Variants in IMMP2L observed in about 807,000 individuals in gnomAD.
IMMP2L encodes the protein inner mitochondrial membrane peptidase subunit 2, also known as mitochondrial inner membrane protease subunit 2.
IMMP2L carries 18 observed loss-of-function variants against 19.3 expected under a neutral mutation model. The ratio of observed to expected loss-of-function variants is 0.93; its 90% CI spans 0.64 to 1.38. The LOEUF is 1.38. Among genes scored for constraint, IMMP2L ranks in the 40% most tolerant of loss-of-function variants. The pLI, the probability that IMMP2L is intolerant of heterozygous loss-of-function variation, is 0.00. For missense variants in IMMP2L, 233 were observed against 218.2 expected (o/e 1.07, Z -0.43); for synonymous variants, 76 against 73.0 (o/e 1.04, Z -0.21).
At chr7:111,031,381 G>GGTGTGTGTGT (rs1554496351) in intron 3 of IMMP2L, among the ~76,000 whole-genome samples, 59 of 72,660 alleles carry the variant, frequency 8.1e-4, no homozygotes, top group East Asian at 4.1e-3. Context: ...GGGGTGTAGG[G>GGTGTGTGTGT]GTGTGTGTGT....
chr7:110,785,003 T>G (rs969312212), intron 5 of IMMP2L, among the ~76,000 whole-genome samples: 5 of 151,986 alleles, frequency 3.3e-5, no homozygotes, highest in African/African-American at 1.2e-4. Context: ...AACATGGTAT[T>G]AGAAATTACC....
intron 3 of IMMP2L, among the ~76,000 whole-genome samples, chr7:111,220,481 T>C (rs1478959239): frequency 6.6e-6 from 1 of 151,964 alleles, no homozygotes; most frequent in African/African-American, 2.4e-5. Flanking sequence ...TATCAGAAAA[T>C]TTATTATATT....
intron 3 of IMMP2L, among the ~76,000 whole-genome samples, chr7:111,251,127 A>T (rs1816061322): frequency 6.6e-6 from 1 of 152,198 alleles, no homozygotes; most frequent in Non-Finnish European, 1.5e-5. Context: ...ACATTCATAG[A>T]GCCAGTAAAC....
intron 4 of IMMP2L, among the ~76,000 whole-genome samples, chr7:110,930,825 G>A (rs1347558426): frequency 1.3e-5 from 2 of 152,108 alleles, no homozygotes; most frequent in Non-Finnish European, 2.9e-5. Flanking sequence ...ATGGGAATGT[G>A]TTTTATAGCT....
intron 3 of IMMP2L, among the ~76,000 whole-genome samples, chr7:111,127,066 T>G (rs1034083204): frequency 3.9e-5 from 6 of 152,190 alleles, no homozygotes; most frequent in African/African-American, 1.4e-4. Flanking sequence ...AGAGGGTAAA[T>G]TGAGTTGATT....
chr7:111,474,856 C>T (rs890535418), intron 3 of IMMP2L, among the ~76,000 whole-genome samples: 1 of 151,906 alleles, frequency 6.6e-6, no homozygotes, highest in Non-Finnish European at 1.5e-5. Flanking sequence ...TTAATAAACC[C>T]GGAATATTTT....
At chr7:111,041,894 A>G (rs1791933017) in intron 3 of IMMP2L, among the ~76,000 whole-genome samples, 1 of 152,208 alleles carries the variant, frequency 6.6e-6, no homozygotes, top group Non-Finnish European at 1.5e-5. Context: ...TTGAATGCTA[A>G]GTCTACCAGT....
At chr7:111,145,069 T>C (rs978494792) in intron 3 of IMMP2L, among the ~76,000 whole-genome samples, 3 of 151,964 alleles carry the variant, frequency 2.0e-5, no homozygotes, top group Admixed American at 6.6e-5. Context: ...TGTGTAGAGT[T>C]TGGGAAAAGC....
intron 3 of IMMP2L, among the ~76,000 whole-genome samples, chr7:111,208,691 C>A (rs569782080): frequency 2.0e-5 from 3 of 152,080 alleles, no homozygotes; most frequent in Non-Finnish European, 4.4e-5. Context: ...AGAGTACACA[C>A]GGATGGGAGG....
chr7:111,490,436 T>A (rs2132305796), intron 2 of IMMP2L, among the ~76,000 whole-genome samples: 1 of 151,880 alleles, frequency 6.6e-6, no homozygotes, highest in Admixed American at 6.6e-5. Flanking sequence ...TTTTCTTACA[T>A]CCGGGTTACC....
At chr7:111,345,133 T>C (rs1827409501) in intron 3 of IMMP2L, among the ~76,000 whole-genome samples, 1 of 152,136 alleles carries the variant, frequency 6.6e-6, no homozygotes, top group African/African-American at 2.4e-5. Flanking sequence ...TTTCATATAA[T>C]ATCACATAAA....
At chr7:110,923,315 A>T (rs952951652) in intron 4 of IMMP2L, among the ~76,000 whole-genome samples, 12 of 152,198 alleles carry the variant, frequency 7.9e-5, no homozygotes, top group African/African-American at 2.7e-4. Context: ...TCCGGTAAAA[A>T]GCATTGTTTT....
intron 3 of IMMP2L, among the ~76,000 whole-genome samples, chr7:111,478,559 T>TTTTGTTTGTTTG (rs3052922): frequency 1.9e-4 from 28 of 148,860 alleles, no homozygotes; most frequent in African/African-American, 5.0e-4. Flanking sequence ...CATGCCCAGC[T>TTTTGTTTGTTTG]TTTGTTTGTT....
chr7:111,259,331 T>C (rs181510747), intron 3 of IMMP2L, among the ~76,000 whole-genome samples: 2 of 152,204 alleles, frequency 1.3e-5, no homozygotes, highest in Admixed American at 1.3e-4. Flanking sequence ...TTATTTTAAA[T>C]TTTTTCTTCA....
chr7:110,889,650 C>T (rs908035664), intron 4 of IMMP2L, among the ~76,000 whole-genome samples: 9 of 152,150 alleles, frequency 5.9e-5, no homozygotes, highest in Non-Finnish European at 1.3e-4. Context: ...GGGACTCCTG[C>T]CCCAACTGGG....
At chr7:111,505,629 A>G (rs1034594963) in intron 2 of IMMP2L, among the ~76,000 whole-genome samples, 5 of 152,218 alleles carry the variant, frequency 3.3e-5, no homozygotes, top group African/African-American at 1.2e-4. Context: ...ACCATGGAAT[A>G]CTATGCAGCC....
chr7:110,748,990 A>C (rs1174748632), intron 5 of IMMP2L, among the ~76,000 whole-genome samples: 25 of 152,204 alleles, frequency 1.6e-4, no homozygotes, highest in Non-Finnish European at 4.4e-5. Context: ...AAATTTTTGC[A>C]ATCTATCCAT....
intron 3 of IMMP2L, among the ~76,000 whole-genome samples, chr7:111,056,008 T>G (rs1793476782): frequency 1.8e-5 from 1 of 54,624 alleles, no homozygotes; most frequent in African/African-American, 3.2e-5. Context: ...ATATTCTGTA[T>G]ATTTTATCAA....
chr7:110,857,851 T>C (rs1236004449), intron 5 of IMMP2L, among the ~76,000 whole-genome samples: 1 of 152,072 alleles, frequency 6.6e-6, no homozygotes, highest in African/African-American at 2.4e-5. Flanking sequence ...AACAAGTATG[T>C]GATTTCTGCT....
Sources: allele counts gnomAD v4.1 joint callset (sites outside exome capture counted in the v4.1 genomes callset), GRCh38; gene constraint gnomAD v4.1.1; transcripts MANE v1.5; gene names NCBI Gene and HGNC (gene_info 2026-07-23, HGNC 2026-07-21).